MCF2L: variants seen among roughly 807,000 people sequenced by gnomAD.
MCF2L encodes guanine nucleotide exchange factor DBS.
A neutral mutation model predicts 153.4 loss-of-function variants in MCF2L; 97 were observed. That is an observed-to-expected ratio of 0.63 (90% CI 0.54 to 0.75). MCF2L has a LOEUF of 0.75. Ranked by LOEUF, MCF2L falls within the 30% of genes least tolerant of loss-of-function variation. MCF2L has a pLI of 0.00. For synonymous variants in MCF2L, 659 were observed against 632.2 expected (o/e 1.04, Z -0.64); for missense variants, 1,347 against 1,495.2 (o/e 0.90, Z 1.64).
At chr13:113,091,962 G>A (rs1172773850) in intron 26 of MCF2L, among the ~76,000 whole-genome samples, 2 of 152,214 alleles carry the variant, frequency 1.3e-5, no homozygotes, top group Admixed American at 6.5e-5. Context: ...CCAGGCAGAA[G>A]CTGTGGCCAC....
At chr13:113,000,811 C>T (rs1288583276) in intron 1 of MCF2L, among the ~76,000 whole-genome samples, 10 of 152,188 alleles carry the variant, frequency 6.6e-5, no homozygotes, top group East Asian at 5.8e-4. Flanking sequence ...CGGAGAAAGG[C>T]GCCGGAAGAG....
At chr13:113,020,816 T>C (rs1260915834) in intron 2 of MCF2L, among the ~76,000 whole-genome samples, 1 of 151,474 alleles carries the variant, frequency 6.6e-6, no homozygotes. Flanking sequence ...GTATAGTGTG[T>C]GCGCGTGTGA....
At chr13:112,922,012 T>C (rs776602741) in intron 2 of MCF2L, among the ~76,000 whole-genome samples, 1 of 152,008 alleles carries the variant, frequency 6.6e-6, no homozygotes, top group Non-Finnish European at 1.5e-5. Context: ...ATAAAAATAA[T>C]AAATCTAAAA....
At chr13:112,947,734 GCAGTT>G (rs2140697020) in intron 2 of MCF2L, among the ~76,000 whole-genome samples, 1 of 152,304 alleles carries the variant, frequency 6.6e-6, no homozygotes, top group South Asian at 2.1e-4. Context: ...GTTCACCTCA[GCAGTT>G]CTCCCAGGCT....
intron 1 of MCF2L, among the ~76,000 whole-genome samples, chr13:112,972,752 G>A (rs962140790): frequency 7.2e-6 from 1 of 139,524 alleles, no homozygotes; most frequent in African/African-American, 2.7e-5. Context: ...TGGGTGGGTG[G>A]ATGGATGGAG....
intron 3 of MCF2L, chr13:113,044,800 A>G: frequency 1.2e-6 from 2 of 1,612,690 alleles, no homozygotes; most frequent in Non-Finnish European, 1.7e-6. Context: ...AGTCTTGGGG[A>G]TTTTCTCCCA....
chr13:112,998,934 T>G (rs1211393256), intron 1 of MCF2L, among the ~76,000 whole-genome samples: 2 of 152,136 alleles, frequency 1.3e-5, no homozygotes, highest in African/African-American at 4.8e-5. Context: ...GGTCAAGAGC[T>G]GTGGGTGGGG....
chr13:113,078,055 C>A (rs113498303), intron 13 of MCF2L, among the ~76,000 whole-genome samples: 5 of 144,812 alleles, frequency 3.5e-5, no homozygotes, highest in East Asian at 4.0e-4. Flanking sequence ...CGCACCACCA[C>A]CTGTGGCCTC....
intron 11 of MCF2L, among the ~76,000 whole-genome samples, 143 bp from the exon 12 acceptor site, chr13:113,075,796 CCTTGTCCAGCACTGTGTCCCCTTGGGG>C: frequency 1.0e-5 from 1 of 97,938 alleles, no homozygotes; most frequent in Non-Finnish European, 2.3e-5. Flanking sequence ...TTGGGATTGG[CCTTGTCCAGCACTGTGTCCCCTTGGGG>C]TGCTTTGGAC....
rs997541906 is a variant in MCF2L at position 112,960,212 on chromosome 13, G to A, written c.170-54551G>A. 7.2e-5 allele frequency among the ~76,000 whole-genome samples: 11 copies of A among 152,234 alleles called. No homozygotes were observed. Among genetic ancestry groups the A allele is most frequent in the African/African-American group, 2.7e-4 (11 of 41,464 alleles). ...CTTGGAAGCCCAAGATTGAGGGGCT[G>A]CATCTGGTGAGGGCCCCTGAGCTGC... On this transcript the variant is annotated intron_variant, in intron 2 of 29. Transcript: ENST00000375608. This position sits in a 1 kb window ranked among gnomAD's most constrained non-coding sequence, Gnocchi z 4.2.
At chr13:113,010,188 C>T (rs1053754310) in intron 1 of MCF2L, 2 of 139,000 alleles carry the variant, frequency 1.4e-5, no homozygotes, top group Admixed American at 8.0e-5. Context: ...CTGCTGCTTT[C>T]GAGGTCACCC....
intron 1 of MCF2L, among the ~76,000 whole-genome samples, chr13:112,975,163 G>A (rs79906547): frequency 6.6e-6 from 1 of 152,138 alleles, no homozygotes; most frequent in Admixed American, 6.5e-5. Context: ...ACGCCTTTTG[G>A]AATGTTTACA....
chr13:113,060,725 C>T lies in MCF2L; in HGVS notation c.489+13C>T, dbSNP rs201121958. The T allele has an allele frequency of 7.6e-5, 123 of 1,611,684 alleles. No homozygotes were observed. Among genetic ancestry groups the T allele is most frequent in the African/African-American group, 2.4e-4 (18 of 75,030 alleles). On this transcript the variant is annotated intron_variant, in intron 5 of 29. Coordinates refer to ENST00000535094, the MANE Select transcript of MCF2L (RefSeq NM_001112732.3). The stretch of plus-strand genomic sequence containing the variant: ...GATGAAGGTGCCGGTAAGTGCGCCC[C>T]GCCTCCATCCTGCGGTAGCAGAACG...
In MCF2L at chr13:113,028,916, G is replaced by A. The variant is rs2085473364; in HGVS notation, c.278+4158G>A. The stretch of plus-strand genomic sequence containing the variant: ...TGTGTGTAATGTGAGCATGTGGCAT[G>A]TGTGGGGTAAGTGGTGTGTGTGGTA... On this transcript the variant is annotated intron_variant, in intron 3 of 29. Transcript: ENST00000535094. This position sits in a 1 kb window ranked among gnomAD's most constrained non-coding sequence, Gnocchi z 5.4. Among the ~76,000 whole-genome samples the A allele has an allele frequency of 6.6e-6, 1 of 150,922 alleles. No individual in the cohort carries two copies. Among genetic ancestry groups the A allele is most frequent in the Non-Finnish European group, 1.5e-5 (1 of 67,706 alleles).
intron 27 of MCF2L, chr13:113,095,256 G>C: frequency 8.4e-7 from 1 of 1,193,526 alleles, no homozygotes; most frequent in Admixed American, 3.5e-5. Flanking sequence ...CGTGGTCCAT[G>C]CCCCAAGGCT....
chr13:113,027,622 C>T lies in MCF2L; in HGVS notation c.278+2864C>T, dbSNP rs1169060683. 1.3e-5 allele frequency among the ~76,000 whole-genome samples: 2 copies of T among 152,170 alleles called. No individual in the cohort carries two copies. Among genetic ancestry groups the T allele is most frequent in the African/African-American group, 2.4e-5 (1 of 41,436 alleles). On this transcript the variant is annotated intron_variant, in intron 3 of 29. Coordinates refer to ENST00000535094, the MANE Select transcript of MCF2L (RefSeq NM_001112732.3). This position sits in a 1 kb window ranked among gnomAD's most constrained non-coding sequence, Gnocchi z 4.8. ...AGTGCACGGAGGAGGGGCTGGGTCT[C>T]GGGCCGAGCGGCCGAGCTCCCTGAG...
At chr13:112,985,548 G>A (rs2993287) in intron 1 of MCF2L, 175,473 of 451,088 alleles carry the variant, frequency 0.39, 35,475 homozygotes, top group African/African-American at 0.52. Context: ...CGGCCTCTGG[G>A]TGAGGCAGCA....
chr13:112,954,179 TC>T (rs2081729306), intron 2 of MCF2L, among the ~76,000 whole-genome samples: 3 of 152,182 alleles, frequency 2.0e-5, no homozygotes, highest in African/African-American at 7.2e-5. Flanking sequence ...TGGGGCCTGC[TC>T]TGTCTCCCTG....
intron 4 of MCF2L, among the ~76,000 whole-genome samples, chr13:113,047,922 G>A (rs1167817840): frequency 1.3e-5 from 2 of 152,108 alleles, no homozygotes; most frequent in African/African-American, 2.4e-5. Context: ...CTCCGCTGAC[G>A]CCTCGCTACG....
Sources: gnomAD v4.1 joint callset for allele counts (sites outside exome capture counted in the v4.1 genomes callset) on GRCh38, gnomAD v4.1.1 for gene constraint, Gnocchi (gnomAD v3.1) non-coding constraint, MANE v1.5 for transcripts, NCBI Gene and HGNC (gene_info 2026-07-23, HGNC 2026-07-21) for gene names.